SHISA9: variants seen among roughly 807,000 people sequenced by gnomAD.
The protein encoded by SHISA9 is protein shisa-9.
SHISA9 carries 13 observed loss-of-function variants against 38.0 expected under a neutral mutation model. That is an observed-to-expected ratio of 0.34 (90% CI 0.22 to 0.54). The LOEUF (loss-of-function observed/expected upper bound fraction) is 0.54, where lower values mean the gene tolerates loss of function less well. SHISA9 is among the 20% of genes least tolerant of loss of function. The probability of loss-of-function intolerance (pLI) is 0.91; values close to 1 mark genes in which losing one functional copy is unlikely to be tolerated. For missense variants in SHISA9, 538 were observed against 575.8 expected (o/e 0.93, Z 0.67); for synonymous variants, 275 against 242.0 (o/e 1.14, Z -1.27).
chr16:13,480,875 C>T, the SHISA9 span, among the ~76,000 whole-genome samples: 1 of 152,138 alleles, frequency 6.6e-6, no homozygotes, highest in Non-Finnish European at 1.5e-5. Flanking sequence ...GGGTTGTAGA[C>T]AGGATAAAAC....
intron 3 of SHISA9, among the ~76,000 whole-genome samples, chr16:13,210,069 C>G (rs1390938110): frequency 6.6e-6 from 1 of 152,128 alleles, no homozygotes; most frequent in African/African-American, 2.4e-5. Flanking sequence ...CCACTGCACT[C>G]CAGTCTGGGC....
At chr16:13,369,610 C>G in the SHISA9 span, among the ~76,000 whole-genome samples, 2 of 150,896 alleles carry the variant, frequency 1.3e-5, no homozygotes, top group Non-Finnish European at 2.9e-5. Flanking sequence ...AAACTGCTGC[C>G]GCTTCTCGGT....
At chr16:13,550,463 A>C in the SHISA9 span, among the ~76,000 whole-genome samples, 1 of 152,206 alleles carries the variant, frequency 6.6e-6, no homozygotes, top group Non-Finnish European at 1.5e-5. Context: ...ATCATTTTAA[A>C]AACTGTCCAA....
At chr16:12,970,467 G>GTATATATATATA (rs1567168028) in intron 2 of SHISA9, among the ~76,000 whole-genome samples, 2 of 23,630 alleles carry the variant, frequency 8.5e-5, no homozygotes, top group Non-Finnish European at 1.4e-4. Flanking sequence ...ATATATGTGT[G>GTATATATATATA]TGTATATATA....
At chr16:13,118,772 C>T (rs1255270157) in intron 2 of SHISA9, among the ~76,000 whole-genome samples, 1 of 148,242 alleles carries the variant, frequency 6.7e-6, no homozygotes, top group African/African-American at 2.5e-5. Context: ...TCTTTTTGCC[C>T]AGGCTGGAAT....
At chr16:13,261,124 A>C in the SHISA9 span, among the ~76,000 whole-genome samples, 1 of 152,094 alleles carries the variant, frequency 6.6e-6, no homozygotes. Flanking sequence ...GGGAGATGCA[A>C]TTCAAGTTGA....
At chr16:13,212,608 C>T (rs1009706384) in intron 3 of SHISA9, among the ~76,000 whole-genome samples, 14 of 152,088 alleles carry the variant, frequency 9.2e-5, no homozygotes, top group African/African-American at 3.4e-4. Context: ...ATCTCGTTAC[C>T]GTTTAGAATT....
chr16:13,468,081 AGATTTTAAATG>A, the SHISA9 span, among the ~76,000 whole-genome samples: 3,996 of 152,298 alleles, frequency 0.026, 139 homozygotes, highest in East Asian at 0.21. Flanking sequence ...TTCTTCTGTC[AGATTTTAAATG>A]GATATAGTTT....
the SHISA9 span, among the ~76,000 whole-genome samples, chr16:13,500,371 C>A: frequency 6.6e-6 from 1 of 152,142 alleles, no homozygotes; most frequent in Non-Finnish European, 1.5e-5. Flanking sequence ...TCAGGTATGT[C>A]TTCATAGCAG....
At chr16:13,311,257 C>T in the SHISA9 span, among the ~76,000 whole-genome samples, 2 of 151,500 alleles carry the variant, frequency 1.3e-5, no homozygotes, top group African/African-American at 2.4e-5. Flanking sequence ...TTATGTATCT[C>T]GTATATATGT....
At chr16:13,008,365 C>T (rs939346153) in intron 2 of SHISA9, among the ~76,000 whole-genome samples, 2 of 152,128 alleles carry the variant, frequency 1.3e-5, no homozygotes, top group Non-Finnish European at 2.9e-5. Flanking sequence ...CCATTGCACT[C>T]GAATCTTTGT....
chr16:13,012,754 G>A (rs140678146), intron 2 of SHISA9, among the ~76,000 whole-genome samples: 67 of 152,282 alleles, frequency 4.4e-4, no homozygotes, highest in African/African-American at 1.5e-3. Context: ...CATTCTGCTT[G>A]ATACTTACAC....
chr16:13,020,284 C>A (rs2072836337), intron 2 of SHISA9, among the ~76,000 whole-genome samples: 1 of 151,872 alleles, frequency 6.6e-6, no homozygotes, highest in South Asian at 2.1e-4. Context: ...CCTCAGCCTC[C>A]CACAGTGCTG....
At chr16:13,061,063 A>T (rs932009944) in intron 2 of SHISA9, among the ~76,000 whole-genome samples, 2 of 152,136 alleles carry the variant, frequency 1.3e-5, no homozygotes, top group African/African-American at 4.8e-5. Flanking sequence ...ACTGGGACTG[A>T]AGGAACTGGT....
the SHISA9 span, among the ~76,000 whole-genome samples, chr16:13,470,880 C>A: frequency 6.6e-6 from 1 of 151,848 alleles, no homozygotes; most frequent in Non-Finnish European, 1.5e-5. Flanking sequence ...TTTTCTTGCC[C>A]CCAAAATGAG....
At chr16:13,463,768 C>A in the SHISA9 span, among the ~76,000 whole-genome samples, 1 of 152,208 alleles carries the variant, frequency 6.6e-6, no homozygotes, top group Non-Finnish European at 1.5e-5. Context: ...GGCTAATCAG[C>A]AGGCAAAGAA....
chr16:13,284,391 C>T, the SHISA9 span, among the ~76,000 whole-genome samples: 1 of 152,122 alleles, frequency 6.6e-6, no homozygotes, highest in African/African-American at 2.4e-5. Context: ...GAAGCATTAA[C>T]ATTTTCTTTT....
intron 2 of SHISA9, among the ~76,000 whole-genome samples, chr16:12,941,651 G>C (rs965168117): frequency 6.6e-6 from 1 of 152,168 alleles, no homozygotes; most frequent in Admixed American, 6.5e-5. Flanking sequence ...AGGTCAGTTC[G>C]AGACCAGCCT....
At chr16:13,548,978 G>A in the SHISA9 span, among the ~76,000 whole-genome samples, 49 of 152,272 alleles carry the variant, frequency 3.2e-4, no homozygotes, top group Admixed American at 1.5e-3. Flanking sequence ...CACAGTGAAT[G>A]AATGGATAAA....
Sources: allele counts gnomAD v4.1 joint callset (sites outside exome capture counted in the v4.1 genomes callset), GRCh38; gene constraint gnomAD v4.1.1; transcripts MANE v1.5; gene names NCBI Gene and HGNC (gene_info 2026-07-23, HGNC 2026-07-21).